The following PLSCR2 variants were observed in gnomAD, a reference collection of about 807,000 sequenced individuals.
The protein encoded by PLSCR2 is phospholipid scramblase 2, also known as PL scramblase 2.
Under a neutral mutation model 25.3 loss-of-function variants are expected in PLSCR2, and 18 were observed. The observed-to-expected ratio is 0.71, with a 90% CI of 0.49 to 1.06. The LOEUF (loss-of-function observed/expected upper bound fraction) is 1.06. PLSCR2 is among the 50% of genes least tolerant of loss of function. The pLI is 0.00. For missense variants in PLSCR2, 243 were observed against 269.5 expected, an observed-to-expected ratio of 0.90 and a Z score of 0.69; for synonymous variants, 88 against 87.3, an observed-to-expected ratio of 1.01 and a Z score of -0.04.
intron 1 of PLSCR2, among the ~76,000 whole-genome samples, chr3:146,495,405 G>T (rs1457079651): frequency 6.6e-6 from 1 of 152,152 alleles, no homozygotes; most frequent in Non-Finnish European, 1.5e-5. Flanking sequence ...GAATACTACA[G>T]TTTCCCAGTC....
At chr3:146,419,424 C>G (rs1229167797) in intron 2 of PLSCR2, among the ~76,000 whole-genome samples, 2 of 152,088 alleles carry the variant, frequency 1.3e-5, no homozygotes, top group African/African-American at 2.4e-5. Context: ...ACCCATTACA[C>G]AATTCCAAAG....
intron 1 of PLSCR2, among the ~76,000 whole-genome samples, chr3:146,480,090 T>C (rs1216917518): frequency 6.6e-6 from 1 of 152,194 alleles, no homozygotes; most frequent in Non-Finnish European, 1.5e-5. Flanking sequence ...CAAAGCCGTA[T>C]GTAGAGGGAA....
At chr3:146,484,423 T>C (rs1309963704) in intron 1 of PLSCR2, among the ~76,000 whole-genome samples, 4 of 151,790 alleles carry the variant, frequency 2.6e-5, no homozygotes, top group Non-Finnish European at 5.9e-5. Context: ...ACATGCAAAT[T>C]TGGCAAATGC....
intron 1 of PLSCR2, among the ~76,000 whole-genome samples, chr3:146,493,814 G>A (rs1413401953): frequency 1.2e-5 from 1 of 82,608 alleles, no homozygotes. Flanking sequence ...TTTTGCAAGT[G>A]TAAAAACTTT....
chr3:146,417,338 T>G (rs370467047), intron 2 of PLSCR2, among the ~76,000 whole-genome samples: 1 of 152,164 alleles, frequency 6.6e-6, no homozygotes, highest in South Asian at 2.1e-4. Flanking sequence ...AAGAAAAAAT[T>G]TGAACTTGTA....
chr3:146,449,454 T>C (rs1479622098), intron 5 of PLSCR2, 87 bp from the exon 6 acceptor site: 2 of 866,780 alleles, frequency 2.3e-6, no homozygotes, highest in East Asian at 5.0e-5. Context: ...AGGAAGGAAA[T>C]ATTATAGTAC....
chr3:146,408,507 G>GC (rs2038731866), intron 2 of PLSCR2, among the ~76,000 whole-genome samples: 1 of 151,822 alleles, frequency 6.6e-6, no homozygotes, highest in Non-Finnish European at 1.5e-5. Context: ...TGCCTGTGTT[G>GC]CTTGTTTCTG....
intron 5 of PLSCR2, among the ~76,000 whole-genome samples, chr3:146,452,109 G>A (rs1303405363): frequency 6.6e-6 from 1 of 152,170 alleles, no homozygotes; most frequent in Non-Finnish European, 1.5e-5. Flanking sequence ...ATTGGGAACA[G>A]TTTTGTGGGA....
chr3:146,446,936 C>G (rs182096403), intron 6 of PLSCR2, among the ~76,000 whole-genome samples: 1 of 152,182 alleles, frequency 6.6e-6, no homozygotes. Flanking sequence ...TGGCCACCAC[C>G]ACCCCAGGCC....
At chr3:146,423,176 C>T (rs1166066578) in intron 2 of PLSCR2, among the ~76,000 whole-genome samples, 1 of 150,048 alleles carries the variant, frequency 6.7e-6, no homozygotes, top group Non-Finnish European at 1.5e-5. Context: ...CTATTGTGGG[C>T]TCAAGAATGC....
chr3:146,417,143 T>A (rs2039024266), intron 2 of PLSCR2, among the ~76,000 whole-genome samples: 1 of 152,190 alleles, frequency 6.6e-6, no homozygotes, highest in Non-Finnish European at 1.5e-5. Flanking sequence ...TAGGATTTTG[T>A]TATTCTCTGT....
chr3:146,491,279 T>C (rs771500487), intron 1 of PLSCR2, among the ~76,000 whole-genome samples: 4 of 151,958 alleles, frequency 2.6e-5, no homozygotes, highest in Admixed American at 6.6e-5. Flanking sequence ...GCCTTTAAGA[T>C]TTTTTTGTTG....
At chr3:146,436,188 G>C (rs1345667731) in intron 8 of PLSCR2, among the ~76,000 whole-genome samples, 1 of 152,170 alleles carries the variant, frequency 6.6e-6, no homozygotes, top group Non-Finnish European at 1.5e-5. Context: ...TTGTAGTATA[G>C]TTTCAAGTCA....
chr3:146,452,924 TC>T (rs1183353552), intron 5 of PLSCR2, among the ~76,000 whole-genome samples: 15 of 151,994 alleles, frequency 9.9e-5, no homozygotes, highest in African/African-American at 3.1e-4. Context: ...TGTGTATATA[TC>T]CAATGCATAT....
At chr3:146,462,663 C>T (rs915623146), upstream of PLSCR2, among the ~76,000 whole-genome samples, 1 of 152,042 alleles carries the variant, frequency 6.6e-6, no homozygotes, top group Non-Finnish European at 1.5e-5. Context: ...GACGGGGTTT[C>T]ACCATGTTGG....
At chr3:146,441,887 C>G (rs2040263836) in intron 6 of PLSCR2, 66 bp from the exon 7 acceptor site, 1 of 971,272 alleles carries the variant, frequency 1.0e-6, no homozygotes, top group Non-Finnish European at 1.6e-6. Flanking sequence ...TGCAGAAATG[C>G]TAAGGGATCT....
intron 2 of PLSCR2, among the ~76,000 whole-genome samples, chr3:146,421,217 T>C (rs2039138891): frequency 6.6e-6 from 1 of 152,116 alleles, no homozygotes; most frequent in South Asian, 2.1e-4. Flanking sequence ...TGTTTATTTC[T>C]GTGTCACCTA....
chr3:146,481,261 G>C (rs958785878), intron 1 of PLSCR2, among the ~76,000 whole-genome samples: 8 of 151,990 alleles, frequency 5.3e-5, no homozygotes, highest in Non-Finnish European at 7.4e-5. Flanking sequence ...AGAAATAAAG[G>C]GTATTCAATT....
intron 2 of PLSCR2, among the ~76,000 whole-genome samples, chr3:146,424,950 G>C (rs911670115): frequency 3.2e-5 from 1 of 30,814 alleles, no homozygotes; most frequent in African/African-American, 8.9e-5. Context: ...ACAGGTGAAA[G>C]TTCTCAACTT....
Sources: allele counts gnomAD v4.1 joint callset (sites outside exome capture counted in the v4.1 genomes callset), GRCh38; gene constraint gnomAD v4.1.1; transcripts MANE v1.5; gene names NCBI Gene and HGNC (gene_info 2026-07-23, HGNC 2026-07-21).